The following KATNB1 variants were observed in gnomAD, a reference collection of about 807,000 sequenced individuals.
KATNB1 encodes the protein katanin p80 WD40 repeat-containing subunit B1.
A neutral mutation model predicts 82.3 loss-of-function variants in KATNB1; 38 were observed. That is an observed-to-expected ratio of 0.46 (90% CI 0.36 to 0.61). The LOEUF (loss-of-function observed/expected upper bound fraction) is 0.61, where lower values mean the gene tolerates loss of function less well. Among genes scored for constraint, KATNB1 ranks in the 20% least tolerant of loss-of-function variants. The probability of loss-of-function intolerance (pLI) is 0.00; values close to 1 mark genes in which losing one functional copy is unlikely to be tolerated. For synonymous variants in KATNB1, 361 were observed against 368.7 expected (o/e 0.98, Z 0.24); for missense variants, 749 against 915.7 (o/e 0.82, Z 2.35).
chr16:57,753,292 G>A, intron 11 of KATNB1, 25 bp downstream of exon 11: 2 of 1,582,644 alleles, frequency 1.3e-6, no homozygotes, highest in South Asian at 1.1e-5. Context: ...GGCCTTCGGG[G>A]GCCCAGGAGA....
intron 4 of KATNB1, among the ~76,000 whole-genome samples, chr16:57,744,898 GC>G (rs1338329848): frequency 6.6e-6 from 1 of 152,190 alleles, no homozygotes; most frequent in Non-Finnish European, 1.5e-5. Context: ...GAACCGGGGA[GC>G]TTGTACCCTG....
intron 4 of KATNB1, among the ~76,000 whole-genome samples, chr16:57,748,480 AAAAAAG>A (rs1555582112): frequency 1.9e-4 from 29 of 151,514 alleles, no homozygotes; most frequent in Non-Finnish European, 3.7e-4. Context: ...AAAAAAAAAA[AAAAAAG>A]GAGAGAGAGA....
At chr16:57,752,962 C>G (rs1432378626) in intron 10 of KATNB1, 34 bp downstream of exon 10, 1 of 1,597,760 alleles carries the variant, frequency 6.3e-7, no homozygotes, top group Non-Finnish European at 8.5e-7. Context: ...GCCCCCCACT[C>G]CCACAGGGCC....
chr16:57,745,662 G>A (rs990810536), intron 4 of KATNB1, among the ~76,000 whole-genome samples: 10 of 151,992 alleles, frequency 6.6e-5, no homozygotes, highest in Non-Finnish European at 5.9e-5. Context: ...CCCATGGCTC[G>A]TGTTTCTCCT....
At position 57,751,347 on chromosome 16, in the gene KATNB1, A is replaced by G; in HGVS notation, c.432+45A>G. ...GTGACTCCATGAGCACCTTGCGGGC[A>G]TTGAGTGTGGTGTGGTGCCCAGACC... On this transcript the variant is annotated intron_variant, in intron 6 of 19. Transcript: ENST00000379661. This position sits in a 1 kb window ranked among gnomAD's most constrained non-coding sequence, Gnocchi z 6.3. The G allele has an allele frequency of 6.3e-7, 1 of 1,588,428 alleles. No homozygotes were observed. The highest frequency in any genetic ancestry group is 2.2e-5 in the East Asian group (1 of 44,716).
In KATNB1 at chr16:57,753,170, C is replaced by G. The variant is rs781823358; in HGVS notation, c.949C>G (p.Gln317Glu). ...TGGCACGGTGGCCCGGGACCCTGTG[C>G]AGGACCACCGGCCCCTGGCACAGCC... is the stretch of plus-strand genomic sequence containing the variant. ...RTGTVARDPV[Q>E]DHRPLAQPLP... Residue 317 changes from glutamine to glutamate, a missense_variant, in exon 11 of 20, where the codon CAG becomes GAG. Physicochemically the swap from Gln to Glu is conservative, Grantham distance 29 (BLOSUM62 2). This residue lies in a region of KATNB1 where 407 missense variants were observed against 434.7 expected (regional missense o/e 0.94). Coordinates refer to ENST00000379661, the MANE Select transcript of KATNB1 (RefSeq NM_005886.3). 5 of 1,610,180 alleles carry G rather than the reference C, an allele frequency of 3.1e-6. No homozygotes were observed. In the South Asian group the frequency reaches 5.5e-5, roughly 18 times the overall value.
intron 4 of KATNB1, among the ~76,000 whole-genome samples, chr16:57,746,426 T>C (rs2049184677): frequency 6.6e-6 from 1 of 152,170 alleles, no homozygotes; most frequent in South Asian, 2.1e-4. Flanking sequence ...TGTTCTGGTG[T>C]GGTGAGCCTT....
At chr16:57,752,661 G>T in intron 9 of KATNB1, 60 bp downstream of exon 9, 1 of 1,546,778 alleles carries the variant, frequency 6.5e-7, no homozygotes, top group South Asian at 1.2e-5. Flanking sequence ...CGTGGCTGTG[G>T]GTGGGCCTTT....
At position 57,737,268 on chromosome 16, in the gene KATNB1, A is replaced by G; in HGVS notation, c.25A>G (p.Thr9Ala). 6.2e-7 allele frequency: 1 copy of G among 1,614,254 alleles called. No individual in the cohort carries two copies. MATPVVTK[T>A]AWKLQEIVAH... is the part of the protein sequence containing the mutation. ...GATGGCCACCCCTGTGGTCACCAAG[A>G]CAGCCTGGAAGTTGCGTGAGTGGTT... The change falls in exon 2 of 20, where the codon ACA (threonine) becomes GCA (alanine). Residue 9 changes from threonine (T) to alanine (A), a missense_variant. Thr to Ala is a moderately conservative substitution (Grantham distance 58). Transcript: ENST00000379661.
rs1264654015 is a variant in KATNB1, at chr16:57,755,230, T to C, written c.1408T>C (p.Phe470Leu). The change falls in exon 15 of 20, where the codon TTC becomes CTC. Residue 470 changes from phenylalanine (F) to leucine (L), a missense_variant. By Grantham distance (22) the Phe-to-Leu change is conservative. This residue lies in a region of KATNB1 where 407 missense variants were observed against 434.7 expected (regional missense o/e 0.94). Transcript: ENST00000379661. ...GCCCATCGGGCTGAAGGCCTCCGAC[T>C]TCCTGCCCGTGAGTAGGAGCCCAGC... is the stretch of plus-strand genomic sequence containing the variant. ...NEPIGLKASDFLPAVKIPQQA... is the reference protein window; with the variant it reads ...NEPIGLKASDLLPAVKIPQQA... 2 of 1,610,902 alleles carry C rather than the reference T, an allele frequency of 1.2e-6. No individual in the cohort carries two copies. The highest frequency in any genetic ancestry group is 2.7e-5 in the African/African-American group (2 of 74,944).
chr16:57,756,907 C>T lies in KATNB1; in HGVS notation c.1929C>T (p.Thr643=). ...KSGLSGRHGS[T]FRELHLLMAS... Reference sequence around the variant, plus strand: ...GCCTGAGCGGCCGCCATGGCAGTACCTTCCGCGAGCTGCACCTGCTCATGG... The same window carrying T: ...GCCTGAGCGGCCGCCATGGCAGTACTTTCCGCGAGCTGCACCTGCTCATGG... The change falls in exon 20 of 20, where the codon ACC becomes ACT. Residue 643 remains threonine, a synonymous_variant. Transcript: ENST00000379661. The T allele has an allele frequency of 1.3e-6, 2 of 1,550,972 alleles. No homozygotes were observed. Among genetic ancestry groups the T allele is most frequent in the Non-Finnish European group, 1.7e-6 (2 of 1,146,774 alleles).
chr16:57,756,537 G>A lies in KATNB1; in HGVS notation c.1835+65G>A, dbSNP rs1314224534. The A allele has an allele frequency of 3.5e-6, 5 of 1,418,610 alleles. No homozygotes were observed. The African/African-American group carries it at 5.7e-5, about 16-fold the overall frequency. The allele number at this position is 1,418,610 out of a possible 1,614,324, so 87.9% of individuals were successfully genotyped here. On this transcript the variant is annotated intron_variant, in intron 19 of 19. Transcript: ENST00000379661. ...CAGGTGAGGGGACAAAGGCCTGGAG[G>A]CCTGGGCCCCTCTTACTGACAGTCC...
At chr16:57,755,772 C>CCACCCT (rs781864899) in intron 16 of KATNB1, 69 bp from the exon 17 acceptor site, 2 of 1,446,842 alleles carry the variant, frequency 1.4e-6, no homozygotes, top group Non-Finnish European at 1.9e-6. Flanking sequence ...GTTCGTACCC[C>CCACCCT]CACCCTCACC....
chr16:57,754,060 T>C lies in KATNB1; in HGVS notation c.1228+65T>C, dbSNP rs76673227. ...CCCCCCGTCCCTCATCTTCTCTTCC[T>C]GTGAACCCTCCCAACAAGCCCCTTC... On this transcript the variant is annotated intron_variant, in intron 13 of 19. Coordinates refer to ENST00000379661, the MANE Select transcript of KATNB1 (RefSeq NM_005886.3). 10,307 of 1,378,818 alleles carry C rather than the reference T, an allele frequency of 7.5e-3. 652 individuals carry two copies. The African/African-American group carries it at 0.13, about 17-fold the overall frequency. The allele number at this position is 1,378,818 out of a possible 1,614,324, so 85.4% of individuals were successfully genotyped here. A position where few individuals can be genotyped will look rare whatever the true frequency, so the allele number is the denominator to read the frequency against.
At position 57,754,815 on chromosome 16, in the gene KATNB1, C is replaced by T. The variant is rs545438900; in HGVS notation, c.1229-115C>T. On this transcript the variant is annotated intron_variant, in intron 13 of 19. Transcript: ENST00000379661. Reference sequence around the variant, plus strand: ...CACGCCACTGGCCTGCAGCCTCCCCCATGCTCCTGCTCCATCCCCCCATTG... The same window carrying T: ...CACGCCACTGGCCTGCAGCCTCCCCTATGCTCCTGCTCCATCCCCCCATTG... 3.4e-5 allele frequency: 37 copies of T among 1,079,906 alleles called. No individual in the cohort carries two copies. The East Asian group carries it at 3.6e-4, about 10-fold the overall frequency. The allele number at this position is 1,079,906 out of a possible 1,614,324, so 66.9% of individuals were successfully genotyped here.
At chr16:57,752,436 G>T (rs1302461878) in intron 8 of KATNB1, 94 bp from the exon 9 acceptor site, 2 of 1,166,516 alleles carry the variant, frequency 1.7e-6, no homozygotes, top group Non-Finnish European at 2.5e-6. Context: ...CCTGCCCTGG[G>T]GGAGAGGTTT....
rs1277504968 is a variant in KATNB1 at position 57,756,877 on chromosome 16, G to A, written c.1899G>A (p.Lys633=). The change falls in exon 20 of 20, where the codon AAG becomes AAA. Residue 633 remains lysine, a synonymous_variant. Transcript: ENST00000379661. ...LKSISGLVKS[K]SGLSGRHGST... ...GCATCAGCGGCCTGGTCAAGAGCAAGTCAGGCCTGAGCGGCCGCCATGGCA... is the reference window on the plus strand; with the variant it reads ...GCATCAGCGGCCTGGTCAAGAGCAAATCAGGCCTGAGCGGCCGCCATGGCA... The A allele has an allele frequency of 6.4e-7, 1 of 1,562,130 alleles. No individual in the cohort carries two copies. Among genetic ancestry groups the A allele is most frequent in the African/African-American group, 1.4e-5 (1 of 73,594 alleles).
chr16:57,756,562 CT>C (rs2049285840), intron 19 of KATNB1, 90 bp downstream of exon 19: 2 of 1,290,188 alleles, frequency 1.6e-6, no homozygotes, highest in South Asian at 2.6e-5. Context: ...ACTGACAGTC[CT>C]GCTGGGACAG....
chr16:57,753,472 A>G lies in KATNB1; in HGVS notation c.1130A>G (p.Gln377Arg). 6.2e-7 allele frequency: 1 copy of G among 1,613,258 alleles called. No individual in the cohort carries two copies. Residue 377 changes from glutamine to arginine, a missense_variant, in exon 12 of 20, where the codon CAG becomes CGG. By Grantham distance (43) the Gln-to-Arg change is conservative. This residue lies in a region of KATNB1 where 407 missense variants were observed against 434.7 expected (regional missense o/e 0.94). Coordinates refer to ENST00000379661, the MANE Select transcript of KATNB1 (RefSeq NM_005886.3). ...GAGCGCGAGTCCCGCGCGGAGATCC[A>G]GAACGCCGAGGACTACAACGAGATC... ...RDERESRAEI[Q>R]NAEDYNEIFQ...
Sources: gnomAD v4.1 joint callset for allele counts (sites outside exome capture counted in the v4.1 genomes callset) on GRCh38, gnomAD v4.1.1 for gene constraint, gnomAD v4.1.1 regional missense constraint, Gnocchi (gnomAD v3.1) non-coding constraint, MANE v1.5 for transcripts, NCBI Gene and HGNC (gene_info 2026-07-23, HGNC 2026-07-21) for gene names.